The following PANK2 variants were observed in gnomAD, a reference collection of about 807,000 sequenced individuals.
PANK2 encodes pantothenate kinase 2.
A neutral mutation model predicts 43.1 loss-of-function variants in PANK2; 36 were observed. The ratio of observed to expected loss-of-function variants is 0.84; its 90% confidence interval spans 0.64 to 1.10. The LOEUF (loss-of-function observed/expected upper bound fraction) is 1.10. Among genes scored for constraint, PANK2 ranks in the 50% least tolerant of loss-of-function variants. The pLI is 0.00. For missense variants in PANK2, 576 were observed against 593.3 expected (o/e 0.97, Z 0.30); for synonymous variants, 281 against 238.2 (o/e 1.18, Z -1.66).
chr20:3,897,823 A>G (rs1443696198), intron 1 of PANK2, among the ~76,000 whole-genome samples: 6 of 152,238 alleles, frequency 3.9e-5, no homozygotes, highest in South Asian at 2.1e-4. Context: ...CTTGGTCAAC[A>G]TGGTGAAACT....
chr20:3,898,001 T>G (rs1443650432), intron 1 of PANK2, among the ~76,000 whole-genome samples: 2 of 140,748 alleles, frequency 1.4e-5, no homozygotes. Flanking sequence ...CGAGACTCCA[T>G]CTCAAAAAAA....
At chr20:3,912,761 C>A in intron 4 of PANK2, 127 bp downstream of exon 4, 1 of 992,110 alleles carries the variant, frequency 1.0e-6, no homozygotes, top group Non-Finnish European at 1.5e-6. Flanking sequence ...ACCAGCCTGG[C>A]CAACATAGTG....
chr20:3,893,357 G>A (rs1206364036), intron 1 of PANK2, among the ~76,000 whole-genome samples: 5 of 152,246 alleles, frequency 3.3e-5, no homozygotes, highest in African/African-American at 1.2e-4. Context: ...ACCATTGCAT[G>A]ATATAGGTCT....
At chr20:3,915,919 C>T (rs1339795209) in intron 4 of PANK2, among the ~76,000 whole-genome samples, 23 of 152,112 alleles carry the variant, frequency 1.5e-4, no homozygotes, top group Non-Finnish European at 2.9e-5. Flanking sequence ...GTGAGTCATC[C>T]AACTTGTTCT....
chr20:3,892,688 A>AAG (rs1243771025), intron 1 of PANK2, among the ~76,000 whole-genome samples: 2 of 151,732 alleles, frequency 1.3e-5, no homozygotes, highest in Non-Finnish European at 2.9e-5. Flanking sequence ...AAAAAAAAAA[A>AAG]AAAGCCTTAC....
chr20:3,910,643 G>T lies in PANK2; in HGVS notation c.718G>T (p.Asp240Tyr). The change falls in exon 3 of 7, where the codon GAC (aspartate) becomes TAC (tyrosine). Residue 240 changes from aspartate to tyrosine, a missense_variant. Physicochemically the swap from Asp to Tyr is radical, Grantham distance 160. This residue lies in a region of PANK2 where 544 missense variants were observed against 528.9 expected (regional missense o/e 1.03). Transcript: ENST00000610179. ...CTTGATCAAAGGAATTTTATACATT[G>T]ACTCAGTCGGATTCAATGGACGGTC... is the stretch of plus-strand genomic sequence containing the variant. The T allele has an allele frequency of 6.2e-7, 1 of 1,614,120 alleles. No individual in the cohort carries two copies. Among genetic ancestry groups the T allele is most frequent in the South Asian group, 1.1e-5 (1 of 91,060 alleles).
chr20:3,917,496 G>A, intron 5 of PANK2: 1 of 534,836 alleles, frequency 1.9e-6, no homozygotes, highest in Non-Finnish European at 3.8e-6. Flanking sequence ...CTGCGTCTTT[G>A]TGCTTTCAGC....
At chr20:3,902,820 G>T (rs2090322899) in intron 1 of PANK2, among the ~76,000 whole-genome samples, 1 of 151,656 alleles carries the variant, frequency 6.6e-6, no homozygotes, top group Non-Finnish European at 1.5e-5. Flanking sequence ...TGTTTTTTCT[G>T]TGCCCATTTT....
chr20:3,916,252 A>G (rs958827187), intron 4 of PANK2, among the ~76,000 whole-genome samples: 1 of 152,194 alleles, frequency 6.6e-6, no homozygotes, highest in African/African-American at 2.4e-5. Context: ...TAGAAGTACA[A>G]TTGTTTTTCG....
At chr20:3,907,483 T>A (rs2090405621) in intron 1 of PANK2, among the ~76,000 whole-genome samples, 1 of 152,190 alleles carries the variant, frequency 6.6e-6, no homozygotes. Flanking sequence ...AAATTGACCA[T>A]TGGAGGTTAT....
intron 1 of PANK2, among the ~76,000 whole-genome samples, chr20:3,890,342 G>A (rs1172997621): frequency 6.6e-6 from 1 of 152,184 alleles, no homozygotes; most frequent in Non-Finnish European, 1.5e-5. Flanking sequence ...ATTCAGAACT[G>A]TGGCATTCTG....
chr20:3,897,509 C>G (rs146754622), intron 1 of PANK2, among the ~76,000 whole-genome samples: 1 of 151,184 alleles, frequency 6.6e-6, no homozygotes, highest in East Asian at 2.0e-4. Flanking sequence ...GAGACCAGTC[C>G]GGGCAACATG....
chr20:3,892,896 G>A (rs2090147004), intron 1 of PANK2, among the ~76,000 whole-genome samples: 1 of 152,082 alleles, frequency 6.6e-6, no homozygotes, highest in African/African-American at 2.4e-5. Flanking sequence ...TAGCGATGAG[G>A]CTAGGCATGT....
At chr20:3,903,012 CA>C (rs1484699374) in intron 1 of PANK2, among the ~76,000 whole-genome samples, 10 of 149,202 alleles carry the variant, frequency 6.7e-5, no homozygotes, top group Non-Finnish European at 1.0e-4. Context: ...CACACACACA[CA>C]CACACCCCTT....
At chr20:3,890,670 A>AGAG (rs1166436299) in intron 1 of PANK2, among the ~76,000 whole-genome samples, 8 of 152,166 alleles carry the variant, frequency 5.3e-5, no homozygotes, top group African/African-American at 1.9e-4. Flanking sequence ...GCAGATTGTG[A>AGAG]GAGGGAGGGA....
At chr20:3,908,569 C>T (rs1334938070) in intron 2 of PANK2, 1 of 398,506 alleles carries the variant, frequency 2.5e-6, no homozygotes, top group African/African-American at 2.0e-5. Context: ...AAAGGAACAT[C>T]ATTAGATCAT....
At chr20:3,914,825 G>T (rs2090532577) in intron 4 of PANK2, among the ~76,000 whole-genome samples, 1 of 150,014 alleles carries the variant, frequency 6.7e-6, no homozygotes, top group South Asian at 2.1e-4. Flanking sequence ...GGCCAGGCTG[G>T]TCTCGAGCTC....
At chr20:3,889,921 C>A in intron 1 of PANK2, 193 bp downstream of exon 1, 2 of 1,531,940 alleles carry the variant, frequency 1.3e-6, no homozygotes, top group South Asian at 1.2e-5. Flanking sequence ...GGGGGCCCCC[C>A]CGCACCCATT....
chr20:3,890,680 A>C (rs532945748), intron 1 of PANK2, among the ~76,000 whole-genome samples: 1 of 152,264 alleles, frequency 6.6e-6, no homozygotes, highest in East Asian at 1.9e-4. Flanking sequence ...AGAGGGAGGG[A>C]AAATGGCAAG....
Sources: allele counts gnomAD v4.1 joint callset (sites outside exome capture counted in the v4.1 genomes callset), GRCh38; gene constraint gnomAD v4.1.1; regional missense constraint gnomAD v4.1.1; transcripts MANE v1.5; gene names NCBI Gene and HGNC (gene_info 2026-07-23, HGNC 2026-07-21).